Variants in SETDB1 observed in about 807,000 individuals in gnomAD.
SETDB1 encodes histone-lysine N-methyltransferase SETDB1.
Under a neutral mutation model 137.4 loss-of-function variants are expected in SETDB1, and 31 were observed. The ratio of observed to expected loss-of-function variants is 0.23; its 90% confidence interval spans 0.17 to 0.30. SETDB1 has a LOEUF of 0.30. Ranked by LOEUF, SETDB1 falls within the 10% of genes least tolerant of loss-of-function variation. SETDB1 has a pLI of 1.00. For synonymous variants in SETDB1, 548 were observed against 579.9 expected (o/e 0.95, Z 0.79); for missense variants, 1,113 against 1,631.5 (o/e 0.68, Z 5.47).
At chr1:150,932,252 A>G (rs1419645419) in intron 3 of SETDB1, among the ~76,000 whole-genome samples, 1 of 151,830 alleles carries the variant, frequency 6.6e-6, no homozygotes, top group Non-Finnish European at 1.5e-5. Flanking sequence ...AAAGAAAGAA[A>G]AAAATTTTTA....
Position 150,926,452 on chromosome 1 carries a change from G to T in SETDB1, c.-77G>T, listed in dbSNP as rs587602048. On this transcript the variant is annotated 5_prime_UTR_variant, in exon 1 of 22. Coordinates refer to ENST00000692827, the MANE Select transcript of SETDB1 (RefSeq NM_001366418.1). ...GCTTTCGCTCTTTTCCGTCGAGGCC[G>T]ACCCCTGAGTTGTGAGTCTGGGGTC... 92 of 279,022 alleles carry T rather than the reference G, an allele frequency of 3.3e-4. No individual in the cohort carries two copies. Among genetic ancestry groups the T allele is most frequent in the Non-Finnish European group, 2.8e-4 (40 of 142,854 alleles). 17.3% of individuals were successfully genotyped at this position (279,022 alleles called of 1,614,324 possible). A position where few individuals can be genotyped will look rare whatever the true frequency, so the allele number is the denominator to read the frequency against.
intron 8 of SETDB1, 39 bp from the exon 9 acceptor site, chr1:150,944,879 C>T: frequency 6.2e-7 from 1 of 1,608,428 alleles, no homozygotes; most frequent in South Asian, 1.1e-5. Context: ...CAAGACATGC[C>T]CTACCTGCCC....
intron 14 of SETDB1, among the ~76,000 whole-genome samples, chr1:150,957,296 A>C (rs1237460823): frequency 2.0e-5 from 3 of 152,168 alleles, no homozygotes; most frequent in Non-Finnish European, 4.4e-5. Context: ...TGAACCCAGG[A>C]AGCGGAGGTT....
intron 19 of SETDB1, 80 bp from the exon 20 acceptor site, chr1:150,963,450 A>C: frequency 1.7e-6 from 2 of 1,160,188 alleles, no homozygotes; most frequent in South Asian, 2.9e-5. Context: ...GGAGAGAAAT[A>C]GGGGTAGAAT....
In SETDB1 at chr1:150,942,904, G is replaced by A; in HGVS notation, c.726G>A (p.Leu242=). ...VKFDNKGKSL[L]SGNHIAYDYH... The stretch of plus-strand genomic sequence containing the variant: ...TTGACAACAAAGGAAAGAGTCTACT[G>A]TCGGGGAACCATATTGCCTATGATT... Residue 242 remains leucine (L), a synonymous_variant, in exon 7 of 22, where the codon CTG becomes CTA. Coordinates refer to ENST00000692827, the MANE Select transcript of SETDB1 (RefSeq NM_001366418.1). 1 of 1,614,170 alleles carries A rather than the reference G, an allele frequency of 6.2e-7. No individual in the cohort carries two copies. Among genetic ancestry groups the A allele is most frequent in the Non-Finnish European group, 8.5e-7 (1 of 1,179,996 alleles).
chr1:150,944,828 T>C lies in SETDB1; in HGVS notation c.950-90T>C, dbSNP rs906583581. 48 of 1,437,546 alleles carry C rather than the reference T, an allele frequency of 3.3e-5. 1 individual carries two copies. The South Asian group carries it at 6.4e-4, about 19-fold the overall frequency. 89.0% of individuals were successfully genotyped at this position (1,437,546 alleles called of 1,614,324 possible). A position where few individuals can be genotyped will look rare whatever the true frequency, so the allele number is the denominator to read the frequency against. On this transcript the variant is annotated intron_variant, in intron 8 of 21. Coordinates refer to ENST00000692827, the MANE Select transcript of SETDB1 (RefSeq NM_001366418.1). ...TTTACTTTTTCTCTCCTTTTCAACT[T>C]AAAAAGTATCAAATGTCTCCTGGCC... is the stretch of plus-strand genomic sequence containing the variant.
chr1:150,964,156 C>G, intron 21 of SETDB1, 73 bp downstream of exon 21: 1 of 1,521,074 alleles, frequency 6.6e-7, no homozygotes, highest in South Asian at 1.1e-5. Context: ...CTCCTCCATT[C>G]ATGATCCAAC....
At chr1:150,962,248 A>C (rs950483076) in intron 17 of SETDB1, 90 bp downstream of exon 17, 10 of 1,144,296 alleles carry the variant, frequency 8.7e-6, no homozygotes, top group Non-Finnish European at 1.3e-5. Flanking sequence ...AGCTCATTGC[A>C]ACCTCCCCCT....
Position 150,964,689 on chromosome 1 carries a change from C to T in SETDB1, c.*325C>T. 1.7e-6 allele frequency: 1 copy of T among 592,020 alleles called. No individual in the cohort carries two copies. Among genetic ancestry groups the T allele is most frequent in the African/African-American group, 1.9e-5 (1 of 53,856 alleles). The allele number at this position is 592,020 out of a possible 1,614,324, so 36.7% of individuals were successfully genotyped here. ...AATGGAGCCTGTGTATCTACTATCTCCAGTTTGTATTATTTCTTGAAAGTC... is the reference window on the plus strand; with the variant it reads ...AATGGAGCCTGTGTATCTACTATCTTCAGTTTGTATTATTTCTTGAAAGTC... On this transcript the variant is annotated 3_prime_UTR_variant, in exon 22 of 22. Coordinates refer to ENST00000692827, the MANE Select transcript of SETDB1 (RefSeq NM_001366418.1).
intron 3 of SETDB1, among the ~76,000 whole-genome samples, chr1:150,934,658 T>G (rs1197155509): frequency 6.6e-6 from 1 of 152,150 alleles, no homozygotes; most frequent in Non-Finnish European, 1.5e-5. Flanking sequence ...AAAATATGTA[T>G]TTACCCAGAT....
intron 14 of SETDB1, among the ~76,000 whole-genome samples, chr1:150,958,057 G>T (rs1021476394): frequency 2.6e-5 from 4 of 151,674 alleles, no homozygotes; most frequent in African/African-American, 9.7e-5. Context: ...ACGGTGGCGC[G>T]TGCCTGTAAT....
intron 7 of SETDB1, among the ~76,000 whole-genome samples, chr1:150,943,655 G>A (rs746560084): frequency 3.3e-5 from 5 of 152,178 alleles, no homozygotes; most frequent in Non-Finnish European, 5.9e-5. Context: ...CAGCCTGGGC[G>A]ACAGAAGGAG....
chr1:150,939,963 A>G lies in SETDB1; in HGVS notation c.436A>G (p.Lys146Glu). 3 of 1,612,920 alleles carry G rather than the reference A, an allele frequency of 1.9e-6. No individual in the cohort carries two copies. Among genetic ancestry groups the G allele is most frequent in the Admixed American group, 1.7e-5 (1 of 59,946 alleles). The change falls in exon 4 of 22, where the codon AAA becomes GAA. Residue 146 changes from lysine (K) to glutamate (E), a missense_variant. This residue lies in a region of SETDB1 where 159 missense variants were observed against 188.6 expected (regional missense o/e 0.84). Coordinates refer to ENST00000692827, the MANE Select transcript of SETDB1 (RefSeq NM_001366418.1). ...DSGDAGSRTP[K>E]DQKLREAMAA... is the part of the protein sequence containing the mutation. The stretch of plus-strand genomic sequence containing the variant: ...AGGTGATGCTGGGAGCAGAACTCCA[A>G]AAGACCAGAAGGTAAGTTAGGATGG...
intron 10 of SETDB1, 31 bp from the exon 11 acceptor site, chr1:150,949,091 T>A (rs1258670239): frequency 6.3e-7 from 1 of 1,598,314 alleles, no homozygotes; most frequent in African/African-American, 1.3e-5. Flanking sequence ...AGCTATCATC[T>A]TCTCAGTGCT....
chr1:150,942,110 A>T (rs1670182528), intron 5 of SETDB1, among the ~76,000 whole-genome samples: 1 of 147,818 alleles, frequency 6.8e-6, no homozygotes, highest in Non-Finnish European at 1.5e-5. Flanking sequence ...ACTGCACTCC[A>T]GCCTGGGCAA....
intron 4 of SETDB1, 135 bp downstream of exon 4, chr1:150,940,109 C>T: frequency 1.8e-6 from 1 of 562,342 alleles, no homozygotes; most frequent in African/African-American, 1.9e-5. Context: ...CGTTGCAGTC[C>T]TCTGATTGAT....
chr1:150,963,497 A>G (rs1282176001), intron 19 of SETDB1, 33 bp from the exon 20 acceptor site: 1 of 1,532,564 alleles, frequency 6.5e-7, no homozygotes, highest in East Asian at 2.3e-5. Flanking sequence ...ATGAGTTGGG[A>G]TGGGTCCTGA....
At chr1:150,931,261 CAAAAAAA>C (rs767694682) in intron 3 of SETDB1, among the ~76,000 whole-genome samples, 2 of 67,480 alleles carry the variant, frequency 3.0e-5, no homozygotes, top group African/African-American at 8.8e-5. Flanking sequence ...CTCTTGTCTT[CAAAAAAA>C]AAAAAAAAAA....
At chr1:150,935,325 GTTCT>G (rs587610523) in intron 3 of SETDB1, among the ~76,000 whole-genome samples, 45 of 152,178 alleles carry the variant, frequency 3.0e-4, no homozygotes, top group Admixed American at 9.8e-4. Flanking sequence ...ATGTATCCAA[GTTCT>G]TTCTTAATCC....
Sources: gnomAD v4.1 joint callset for allele counts (sites outside exome capture counted in the v4.1 genomes callset) on GRCh38, gnomAD v4.1.1 for gene constraint, gnomAD v4.1.1 regional missense constraint, MANE v1.5 for transcripts, NCBI Gene and HGNC (gene_info 2026-07-23, HGNC 2026-07-21) for gene names.